PREX2: variants seen among roughly 807,000 people sequenced by gnomAD.
PREX2 encodes the protein phosphatidylinositol-3,4,5-trisphosphate dependent Rac exchange factor 2, also known as phosphatidylinositol 3,4,5-trisphosphate-dependent Rac exchanger 2 protein.
Under a neutral mutation model 203.2 loss-of-function variants are expected in PREX2, and 107 were observed. That is an observed-to-expected ratio of 0.53 (90% CI 0.45 to 0.62). The LOEUF (loss-of-function observed/expected upper bound fraction) is 0.62. Ranked by LOEUF, PREX2 falls within the 20% of genes least tolerant of loss-of-function variation. The pLI is 0.00. For synonymous variants in PREX2, 672 were observed against 663.6 expected, an observed-to-expected ratio of 1.01 and a Z score of -0.19; for missense variants, 1,777 against 1,955.9, an observed-to-expected ratio of 0.91 and a Z score of 1.72.
chr8:68,007,026 T>C (rs543967161), intron 1 of PREX2, among the ~76,000 whole-genome samples: 1 of 152,352 alleles, frequency 6.6e-6, no homozygotes, highest in South Asian at 2.1e-4. Flanking sequence ...GAAAGTTTCC[T>C]TGTTTATTTG....
chr8:67,955,070 G>T (rs939442197), intron 1 of PREX2, among the ~76,000 whole-genome samples: 1 of 150,116 alleles, frequency 6.7e-6, no homozygotes, highest in Non-Finnish European at 1.5e-5. Context: ...CTTGAACCTG[G>T]GAGGTGGAGG....
chr8:68,039,842 C>G (rs1273143742), intron 7 of PREX2, among the ~76,000 whole-genome samples: 1 of 152,144 alleles, frequency 6.6e-6, no homozygotes, highest in Non-Finnish European at 1.5e-5. Context: ...CTACTCTGCT[C>G]CAGGCCACCA....
chr8:68,224,162 T>C (rs1181648822), intron 38 of PREX2, among the ~76,000 whole-genome samples: 1 of 151,940 alleles, frequency 6.6e-6, no homozygotes, highest in Non-Finnish European at 1.5e-5. Context: ...GGGACCACAA[T>C]TGCGTGCCAC....
chr8:68,131,882 A>C (rs1369127180), intron 31 of PREX2, among the ~76,000 whole-genome samples: 1 of 152,134 alleles, frequency 6.6e-6, no homozygotes, highest in Non-Finnish European at 1.5e-5. Flanking sequence ...AATCATTTTC[A>C]AGGTATGGGT....
chr8:68,116,632 G>A (rs185858935), intron 26 of PREX2, among the ~76,000 whole-genome samples: 2 of 152,260 alleles, frequency 1.3e-5, no homozygotes, highest in Admixed American at 6.5e-5. Flanking sequence ...GTCTCTGCAC[G>A]TCATCTTCCC....
chr8:68,090,796 G>T, intron 20 of PREX2, 81 bp downstream of exon 20: 2 of 1,207,816 alleles, frequency 1.7e-6, no homozygotes. Context: ...TAGTGCCAGA[G>T]ATATTTGTGG....
intron 39 of PREX2, among the ~76,000 whole-genome samples, chr8:68,228,606 T>TA (rs911510915): frequency 1.4e-4 from 20 of 146,742 alleles, no homozygotes; most frequent in Admixed American, 7.4e-4. Context: ...ACTAAAAATA[T>TA]AAAAAAAAAA....
chr8:68,075,877 T>C (rs920022794), intron 14 of PREX2, among the ~76,000 whole-genome samples: 6 of 152,118 alleles, frequency 3.9e-5, no homozygotes, highest in South Asian at 2.1e-4. Context: ...TGCTCCTTTA[T>C]AGACAGGTAG....
intron 22 of PREX2, among the ~76,000 whole-genome samples, chr8:68,099,373 T>C (rs1437326631): frequency 6.6e-6 from 1 of 152,108 alleles, no homozygotes; most frequent in East Asian, 1.9e-4. Flanking sequence ...TGTACTGATG[T>C]ATCCAGCAGG....
chr8:67,953,159 T>C (rs1805401436), intron 1 of PREX2, among the ~76,000 whole-genome samples: 1 of 144,046 alleles, frequency 6.9e-6, no homozygotes, highest in African/African-American at 2.5e-5. Context: ...CCTGTCCTAG[T>C]CTTACAATTC....
intron 11 of PREX2, among the ~76,000 whole-genome samples, chr8:68,064,385 C>T (rs1001661168): frequency 1.3e-5 from 2 of 151,926 alleles, no homozygotes; most frequent in African/African-American, 4.8e-5. Context: ...GGTTGGGGGG[C>T]AGGGTCTTGC....
At chr8:67,961,849 C>T (rs1354000728) in intron 1 of PREX2, among the ~76,000 whole-genome samples, 4 of 152,176 alleles carry the variant, frequency 2.6e-5, no homozygotes, top group African/African-American at 7.2e-5. Context: ...CTATTTTGCT[C>T]GAGAGTATCT....
chr8:67,957,484 G>A (rs538704001), intron 1 of PREX2, among the ~76,000 whole-genome samples: 1 of 152,248 alleles, frequency 6.6e-6, no homozygotes, highest in African/African-American at 2.4e-5. Flanking sequence ...TGGCTTCTCT[G>A]TGCATGGCTC....
intron 10 of PREX2, among the ~76,000 whole-genome samples, chr8:68,056,227 A>T (rs375505894): frequency 7.9e-5 from 12 of 151,922 alleles, no homozygotes; most frequent in Admixed American, 7.9e-4. Flanking sequence ...ATCCCGGGGG[A>T]AAGTGAGGTT....
intron 35 of PREX2, among the ~76,000 whole-genome samples, chr8:68,172,519 A>T (rs1247259474): frequency 6.6e-6 from 1 of 152,230 alleles, no homozygotes; most frequent in Non-Finnish European, 1.5e-5. Flanking sequence ...AATATGTGAA[A>T]CAAATTATGT....
chr8:68,223,819 A>T (rs1407196743), intron 38 of PREX2, among the ~76,000 whole-genome samples: 1 of 152,204 alleles, frequency 6.6e-6, no homozygotes, highest in South Asian at 2.1e-4. Flanking sequence ...AGCTTGTCCA[A>T]AAATTGCTTT....
intron 39 of PREX2, among the ~76,000 whole-genome samples, chr8:68,229,498 T>G (rs1013019909): frequency 6.6e-6 from 1 of 152,212 alleles, no homozygotes; most frequent in Non-Finnish European, 1.5e-5. Context: ...CAAATGTGTT[T>G]GAACTCAAAT....
chr8:68,138,268 T>C (rs1180210440), intron 32 of PREX2, 147 bp from the exon 33 acceptor site: 4 of 399,546 alleles, frequency 1.0e-5, no homozygotes, highest in Non-Finnish European at 1.8e-5. Context: ...GGCAGTAAAT[T>C]ATTACAGAAG....
chr8:68,186,756 C>G (rs1386762188), intron 35 of PREX2, among the ~76,000 whole-genome samples: 1 of 152,172 alleles, frequency 6.6e-6, no homozygotes, highest in African/African-American at 2.4e-5. Context: ...TCGTGATCCA[C>G]CCACCTCAGC....
Sources: gnomAD v4.1 joint callset for allele counts (sites outside exome capture counted in the v4.1 genomes callset) on GRCh38, gnomAD v4.1.1 for gene constraint, MANE v1.5 for transcripts, NCBI Gene and HGNC (gene_info 2026-07-23, HGNC 2026-07-21) for gene names.